JAG2: variants seen among roughly 807,000 people sequenced by gnomAD.
JAG2 encodes the protein protein jagged-2.
A neutral mutation model predicts 141.7 loss-of-function variants in JAG2; 46 were observed. The observed-to-expected ratio is 0.32, with a 90% CI of 0.26 to 0.42. The LOEUF (loss-of-function observed/expected upper bound fraction) is 0.42. JAG2 is among the 10% of genes least tolerant of loss of function. The pLI is 1.00. For missense variants in JAG2, 1,500 were observed against 1,817.5 expected (o/e 0.83, Z 3.18); for synonymous variants, 862 against 763.5 (o/e 1.13, Z -2.13).
intron 2 of JAG2, among the ~76,000 whole-genome samples, chr14:105,166,030 C>T (rs1318276833): frequency 6.6e-6 from 1 of 152,226 alleles, no homozygotes; most frequent in Non-Finnish European, 1.5e-5. Context: ...ACCAGGGCTG[C>T]CCCCAAACAC....
At position 105,148,969 on chromosome 14, in the gene JAG2, T is replaced by A; in HGVS notation, c.1874A>T (p.Asp625Val). 1 of 1,607,684 alleles carries A rather than the reference T, an allele frequency of 6.2e-7. No individual in the cohort carries two copies. The highest frequency in any genetic ancestry group is 8.5e-7 in the Non-Finnish European group (1 of 1,177,746). ...QPGGNFSCIC[D>V]SGFTGTYCHE... ...GCAGTAGGTGCCAGTAAAGCCACTG[T>A]CACAGATGCAGGAAAAGTTGCCCCC... The change falls in exon 14 of 26, where the codon GAC becomes GTC. Residue 625 changes from aspartate (D) to valine (V), a missense_variant. Asp to Val is a radical substitution (Grantham distance 152). Around this residue, in one of 3 missense-constraint regions of JAG2, gnomAD observed 875 missense variants for 1,202.2 expected, o/e 0.73. Coordinates refer to ENST00000331782, the MANE Select transcript of JAG2 (RefSeq NM_002226.5).
chr14:105,165,132 G>C (rs1888871105), intron 2 of JAG2, among the ~76,000 whole-genome samples: 2 of 152,190 alleles, frequency 1.3e-5, no homozygotes, highest in Admixed American at 1.3e-4. Context: ...CAGCCAGGCA[G>C]GCACGACTTC....
At chr14:105,144,408 C>T (rs985731747) in intron 24 of JAG2, among the ~76,000 whole-genome samples, 1 of 152,144 alleles carries the variant, frequency 6.6e-6, no homozygotes, top group African/African-American at 2.4e-5. Flanking sequence ...CCTTCCTGTG[C>T]CTGGCCATGG....
Position 105,142,731 on chromosome 14 carries a change from C to T in JAG2, c.3681G>A (p.Arg1227=). The change falls in exon 26 of 26, where the codon AGG becomes AGA. Residue 1227 remains arginine (R), a synonymous_variant. Coordinates refer to ENST00000331782, the MANE Select transcript of JAG2 (RefSeq NM_002226.5). The part of the protein sequence containing the change: ...SGPKVDNRAV[R]SINEARYAGK... The stretch of plus-strand genomic sequence containing the variant: ...CGGCGTAGCGGGCCTCATTGATGCT[C>T]CTGACCGCGCGGTTGTCCACTTTGG... 2 of 1,608,274 alleles carry T rather than the reference C, an allele frequency of 1.2e-6. No individual in the cohort carries two copies. The highest frequency in any genetic ancestry group is 2.7e-5 in the African/African-American group (2 of 74,922).
rs1246971518 is a variant in JAG2, at chr14:105,147,313, T to C, written c.2479+13A>G. 1 of 1,550,906 alleles carries C rather than the reference T, an allele frequency of 6.4e-7. No individual in the cohort carries two copies. ...TGAGGGGCTCCCAGGGCTGGGGCTG[T>C]CTGGCCACTCACTGATGCGGCAGTC... On this transcript the variant is annotated intron_variant, in intron 20 of 25. Coordinates refer to ENST00000331782, the MANE Select transcript of JAG2 (RefSeq NM_002226.5).
rs774026767 is a variant in JAG2, at chr14:105,151,001, G to A, written c.1371C>T (p.Asn457=). Residue 457 remains asparagine, a synonymous_variant, in exon 10 of 26, where the codon AAC becomes AAT. Coordinates refer to ENST00000331782, the MANE Select transcript of JAG2 (RefSeq NM_002226.5). ...ACCCCCCATACTGACTGATATGGCAGTTGATGCCCTTCCAGCCCGGGATGC... is the reference window on the plus strand; with the variant it reads ...ACCCCCCATACTGACTGATATGGCAATTGATGCCCTTCCAGCCCGGGATGC... ...CDCIPGWKGI[N]CHINVNDCRG... 1 of 1,612,558 alleles carries A rather than the reference G, an allele frequency of 6.2e-7. No individual in the cohort carries two copies. The highest frequency in any genetic ancestry group is 8.5e-7 in the Non-Finnish European group (1 of 1,179,736).
chr14:105,156,063 C>T (rs587682581), intron 3 of JAG2, 74 bp from the exon 4 acceptor site: 221 of 1,566,924 alleles, frequency 1.4e-4, no homozygotes, highest in African/African-American at 2.8e-4. Context: ...ACAACGGGGA[C>T]GGGGCAGAAG....
chr14:105,167,994 C>A lies in JAG2; in HGVS notation c.180G>T (p.Gly60=), dbSNP rs1430692135. 1.9e-6 allele frequency: 3 copies of A among 1,601,780 alleles called. No homozygotes were observed. The highest frequency in any genetic ancestry group is 2.5e-6 in the Non-Finnish European group (3 of 1,177,546). The change falls in exon 2 of 26, where the codon GGG becomes GGT. Residue 60 remains glycine (G), a synonymous_variant. Transcript: ENST00000331782. This position sits in a 1 kb window ranked among gnomAD's most constrained non-coding sequence, Gnocchi z 4.8. ...CDGDGRTTRA[G]GCGHDECDTY... is the part of the protein sequence containing the mutation. ...TGTCGCACTCGTCGTGGCCGCAGCC[C>A]CCCGCGCGCGTTGTCCGGCCGTCGC... is the stretch of plus-strand genomic sequence containing the variant.
At chr14:105,152,442 C>CA in intron 5 of JAG2, 151 bp from the exon 6 acceptor site, 4 of 902,498 alleles carry the variant, frequency 4.4e-6, no homozygotes, top group Non-Finnish European at 6.8e-6. Context: ...GCAGGGGTTG[C>CA]AGCCCTGCCG....
intron 2 of JAG2, among the ~76,000 whole-genome samples, chr14:105,159,151 C>T (rs985582788): frequency 6.6e-6 from 1 of 151,752 alleles, no homozygotes; most frequent in Non-Finnish European, 1.5e-5. Context: ...CCCACACCTC[C>T]GACTGTCCCT....
chr14:105,167,522 G>T lies in JAG2; in HGVS notation c.417+235C>A, dbSNP rs1419382332. Among the ~76,000 whole-genome samples the T allele has an allele frequency of 1.4e-5, 2 of 147,940 alleles. No homozygotes were observed. The highest frequency in any genetic ancestry group is 3.0e-5 in the Non-Finnish European group (2 of 66,438). On this transcript the variant is annotated intron_variant, in intron 2 of 25. Transcript: ENST00000331782. The surrounding 1 kb of genome is among the most constrained non-coding windows in gnomAD (Gnocchi z 4.8). ...CACACCGCCGCGCACGCGGGACGCCGCCGCCCCGCCCCCGCCGCGACCCCG... is the reference window on the plus strand; with the variant it reads ...CACACCGCCGCGCACGCGGGACGCCTCCGCCCCGCCCCCGCCGCGACCCCG...
chr14:105,147,159 GA>G, intron 20 of JAG2, 166 bp downstream of exon 20: 1 of 671,920 alleles, frequency 1.5e-6, no homozygotes, highest in Non-Finnish European at 2.7e-6. Flanking sequence ...TATACAGCAG[GA>G]ACCCCACAGG....
rs1380722631 is a variant in JAG2, at chr14:105,143,176, G to A, written c.3242-6C>T. 5.6e-6 allele frequency: 9 copies of A among 1,596,624 alleles called. No individual in the cohort carries two copies. Among genetic ancestry groups the A allele is most frequent in the East Asian group, 2.2e-5 (1 of 44,838 alleles). On this transcript the variant is annotated splice_polypyrimidine_tract_variant and splice_region_variant and intron_variant, in intron 25 of 25. Coordinates refer to ENST00000331782, the MANE Select transcript of JAG2 (RefSeq NM_002226.5). ...CAGCACAGGCACCAGCAGACCTGGG[G>A]ACCGGGGAGAAGAGCCGGTGGGCAA...
Position 105,148,985 on chromosome 14 carries a change from A to T in JAG2, c.1858T>A (p.Phe620Ile), listed in dbSNP as rs745852907. The T allele has an allele frequency of 8.1e-6, 13 of 1,608,066 alleles. No homozygotes were observed. In the East Asian group the frequency reaches 2.9e-4, roughly 36 times the overall value. The change falls in exon 14 of 26, where the codon TTT becomes ATT. Residue 620 changes from phenylalanine (F) to isoleucine (I), a missense_variant. Phe to Ile is a conservative substitution (Grantham distance 21). Transcript: ENST00000331782. ...GRCVSQPGGN[F>I]SCICDSGFTG... ...AAGCCACTGTCACAGATGCAGGAAA[A>T]GTTGCCCCCTGGCTGGCTGACGCAG...
At chr14:105,160,535 G>A (rs1282062888) in intron 2 of JAG2, among the ~76,000 whole-genome samples, 1 of 151,848 alleles carries the variant, frequency 6.6e-6, no homozygotes, top group Admixed American at 6.6e-5. Context: ...CGGGGCTCGG[G>A]GAAAGCAACA....
At position 105,146,460 on chromosome 14, in the gene JAG2, C is replaced by A. The variant is rs377562088; in HGVS notation, c.2634G>T (p.Pro878=). 2 of 1,612,640 alleles carry A rather than the reference C, an allele frequency of 1.2e-6. No homozygotes were observed. Among genetic ancestry groups the A allele is most frequent in the African/African-American group, 1.3e-5 (1 of 74,926 alleles). Residue 878 remains proline (P), a synonymous_variant, in exon 22 of 26, where the codon CCG becomes CCT. Transcript: ENST00000331782. ...FGRSCWSRGT[P]FPHGSSWVED... ...CCACCCAGGAGCTTCCGTGTGGGAA[C>A]GGAGTGCCCCGGGACCAGCAGGATC...
At position 105,167,286 on chromosome 14, in the gene JAG2, C is replaced by T. The variant is rs866697388; in HGVS notation, c.417+471G>A. On this transcript the variant is annotated intron_variant, in intron 2 of 25. Coordinates refer to ENST00000331782, the MANE Select transcript of JAG2 (RefSeq NM_002226.5). This position sits in a 1 kb window ranked among gnomAD's most constrained non-coding sequence, Gnocchi z 4.8. ...CGTTAGGCTCTCCCGGGCCTAGGTC[C>T]CACGGCGCCCGCCCGTGCCCCCCAG... Among the ~76,000 whole-genome samples the T allele has an allele frequency of 3.3e-5, 5 of 152,338 alleles. No homozygotes were observed. The highest frequency in any genetic ancestry group is 9.6e-5 in the African/African-American group (4 of 41,584).
Position 105,143,590 on chromosome 14 carries a change from C to A in JAG2, c.3133G>T (p.Ala1045Ser). The A allele has an allele frequency of 1.2e-6, 2 of 1,606,926 alleles. No individual in the cohort carries two copies. The highest frequency in any genetic ancestry group is 1.7e-6 in the Non-Finnish European group (2 of 1,179,066). ...ATGGCGGCCACGATGGCGTGGGCCG[C>A]GCCCTGGATCAGGCTGCTGTCAGGC... is the stretch of plus-strand genomic sequence containing the variant. ...DLPDSSLIQG[A>S]AHAIVAAITQ... The change falls in exon 25 of 26, where the codon GCG (alanine) becomes TCG (serine). Residue 1045 changes from alanine (A) to serine (S), a missense_variant. By Grantham distance (99) the Ala-to-Ser change is moderately conservative. Coordinates refer to ENST00000331782, the MANE Select transcript of JAG2 (RefSeq NM_002226.5).
intron 2 of JAG2, among the ~76,000 whole-genome samples, chr14:105,163,056 C>A (rs1361702191): frequency 1.3e-5 from 2 of 152,170 alleles, no homozygotes; most frequent in African/African-American, 4.8e-5. Context: ...GCCAACACAA[C>A]ACAGCCTCCT....
Sources: allele counts gnomAD v4.1 joint callset (sites outside exome capture counted in the v4.1 genomes callset), GRCh38; gene constraint gnomAD v4.1.1; regional missense constraint gnomAD v4.1.1; non-coding constraint Gnocchi (gnomAD v3.1); transcripts MANE v1.5; gene names NCBI Gene and HGNC (gene_info 2026-07-23, HGNC 2026-07-21).